Variants in FOXF2 observed in about 807,000 individuals in gnomAD.
The protein encoded by FOXF2 is forkhead box F2.
Under a neutral mutation model 29.1 loss-of-function variants are expected in FOXF2, and 15 were observed. That is an observed-to-expected ratio of 0.52 (90% CI 0.35 to 0.79). The LOEUF (loss-of-function observed/expected upper bound fraction) is 0.79. Ranked by LOEUF, FOXF2 falls within the 30% of genes least tolerant of loss-of-function variation. The pLI is 0.01. For synonymous variants in FOXF2, 337 were observed against 316.5 expected (o/e 1.06, Z -0.69); for missense variants, 675 against 667.1 (o/e 1.01, Z -0.13).
rs79471536 is a variant in FOXF2 at position 1,391,534 on chromosome 6, C to G, written c.1171+416C>G. ...CCTTTTTTTCCTTGCGTTCATTTTG[C>G]TGTACTTCTGTCCCGAAGTAAATGT... On this transcript the variant is annotated intron_variant, in intron 1 of 1. Coordinates refer to ENST00000645481, the MANE Select transcript of FOXF2 (RefSeq NM_001452.2). Among the ~76,000 whole-genome samples, 3 of 152,206 alleles carry G rather than the reference C, an allele frequency of 2.0e-5. No homozygotes were observed. In the East Asian group the frequency reaches 5.8e-4, roughly 29 times the overall value.
At chr6:1,391,459 T>C (rs1235787616) in intron 1 of FOXF2, among the ~76,000 whole-genome samples, 1 of 152,254 alleles carries the variant, frequency 6.6e-6, no homozygotes, top group Non-Finnish European at 1.5e-5. Flanking sequence ...AGAGAAGGCA[T>C]CTGGCCTTTG....
chr6:1,393,997 C>T (rs1273446671), intron 1 of FOXF2, among the ~76,000 whole-genome samples: 1 of 152,244 alleles, frequency 6.6e-6, no homozygotes, highest in South Asian at 2.1e-4. Flanking sequence ...AGGGACTCCT[C>T]GCGCTGCCAG....
At chr6:1,392,334 T>G (rs767250718) in intron 1 of FOXF2, among the ~76,000 whole-genome samples, 3 of 152,010 alleles carry the variant, frequency 2.0e-5, no homozygotes, top group Non-Finnish European at 4.4e-5. Flanking sequence ...CTTAACCCAC[T>G]GAGAACAGAG....
Position 1,390,770 on chromosome 6 carries a change from C to T in FOXF2, c.823C>T (p.His275Tyr), listed in dbSNP as rs1316271903. 9.3e-6 allele frequency: 13 copies of T among 1,394,866 alleles called. No individual in the cohort carries two copies. In the Admixed American group the frequency reaches 1.8e-4, roughly 19 times the overall value. 86.4% of individuals were successfully genotyped at this position (1,394,866 alleles called of 1,614,324 possible). A position where few individuals can be genotyped will look rare whatever the true frequency, so the allele number is the denominator to read the frequency against. The stretch of plus-strand genomic sequence containing the variant: ...CCACCACCACCACCACCACGTCCCG[C>T]ACATGTCGCCCAACCCGGGTTCCAC... The part of the protein sequence containing the change: ...PHHHHHHHVP[H>Y]MSPNPGSTYM... Residue 275 changes from histidine (H) to tyrosine (Y), a missense_variant, in exon 1 of 2, where the codon CAC becomes TAC. Transcript: ENST00000645481. The surrounding 1 kb of genome is among the most constrained non-coding windows in gnomAD (Gnocchi z 8.5).
In FOXF2 at chr6:1,392,958, A is replaced by G. The variant is rs3823148; in HGVS notation, c.1172-1738A>G. Among the ~76,000 whole-genome samples the G allele has an allele frequency of 8.7e-3, 1,330 of 152,112 alleles. 16 individuals carry two copies. The highest frequency in any genetic ancestry group is 0.023 in the African/African-American group (972 of 41,508). On this transcript the variant is annotated intron_variant, in intron 1 of 1. Transcript: ENST00000645481. The stretch of plus-strand genomic sequence containing the variant: ...TCCTCGCTGTCTTGCTCCCGTCCCT[A>G]TAGGATACCCACCCGGCCCTGTTGC...
rs1243149072 is a variant in FOXF2 at position 1,390,039 on chromosome 6, C to A, written c.92C>A (p.Pro31Gln). ...CTCCAGGCCGCCCTGATGAGCCCGC[C>A]GCCCGCCGCCGCCGCCGCCGCCGCC... Reference protein sequence around the residue: ...GALQAALMSPPPAAAAAAAAA... With the variant: ...GALQAALMSPQPAAAAAAAAA... The change falls in exon 1 of 2, where the codon CCG becomes CAG. Residue 31 changes from proline (P) to glutamine (Q), a missense_variant. Around this residue, in one of 3 missense-constraint regions of FOXF2, gnomAD observed 220 missense variants for 205.5 expected, o/e 1.07. Transcript: ENST00000645481. This position sits in a 1 kb window ranked among gnomAD's most constrained non-coding sequence, Gnocchi z 8.5. 22 of 1,364,122 alleles carry A rather than the reference C, an allele frequency of 1.6e-5. No homozygotes were observed. The highest frequency in any genetic ancestry group is 2.1e-5 in the Non-Finnish European group (22 of 1,054,762). 84.5% of individuals were successfully genotyped at this position (1,364,122 alleles called of 1,614,324 possible).
chr6:1,395,003 T>C lies in FOXF2; in HGVS notation c.*144T>C. 3 of 813,404 alleles carry C rather than the reference T, an allele frequency of 3.7e-6. No homozygotes were observed. Among genetic ancestry groups the C allele is most frequent in the Non-Finnish European group, 6.0e-6 (3 of 499,972 alleles). 50.4% of individuals were successfully genotyped at this position (813,404 alleles called of 1,614,324 possible). On this transcript the variant is annotated 3_prime_UTR_variant, in exon 2 of 2. Coordinates refer to ENST00000645481, the MANE Select transcript of FOXF2 (RefSeq NM_001452.2). ...CTTAGCCAGAATGCCCAGGATCGCG[T>C]TGGTCACTGTTATTTGCCTACTGCT... is the stretch of plus-strand genomic sequence containing the variant.
chr6:1,394,631 A>C (rs1758862303), intron 1 of FOXF2, 65 bp from the exon 2 acceptor site: 1 of 1,535,760 alleles, frequency 6.5e-7, no homozygotes, highest in African/African-American at 1.4e-5. Flanking sequence ...AGGCAAAATA[A>C]GACACCCTGC....
In FOXF2 at chr6:1,390,674, T is replaced by TA. The variant is rs1243741752; in HGVS notation, c.728dup (p.Tyr243Ter). The TA allele has an allele frequency of 6.5e-7, 1 of 1,536,538 alleles. No homozygotes were observed. The highest frequency in any genetic ancestry group is 1.4e-5 in the African/African-American group (1 of 70,836). ...GCTCGGCTGCCACAGCCAGGGCGGC[T>TA]ACGGCGGCCTCGACATGATGCCCGC... ...APLGCHSQGG[Y>*]GGLDMMPAGY... The change falls in exon 1 of 2, where the codon TAC becomes TAAC. Residue 243 changes from tyrosine (Y) to a stop codon, truncating the protein, a stop_gained and frameshift_variant. Transcript: ENST00000645481. LOFTEE classifies it high-confidence loss of function. This position sits in a 1 kb window ranked among gnomAD's most constrained non-coding sequence, Gnocchi z 8.5.
chr6:1,393,305 C>T (rs1173874920), intron 1 of FOXF2, among the ~76,000 whole-genome samples: 3 of 152,068 alleles, frequency 2.0e-5, no homozygotes, highest in East Asian at 1.9e-4. Context: ...CAGGAAGGAG[C>T]TCGGGCTTCT....
Position 1,390,917 on chromosome 6 carries a change from G to C in FOXF2, c.970G>C (p.Ala324Pro), listed in dbSNP as rs1207076399. 6.5e-7 allele frequency: 1 copy of C among 1,546,922 alleles called. No homozygotes were observed. ...CCCGGTACCCTCGTCCCCGGCCATG[G>C]CGAGCGCCATCGAATGCCACTCGCC... ...SSPVPSSPAM[A>P]SAIECHSPYT... The change falls in exon 1 of 2, where the codon GCG becomes CCG. Residue 324 changes from alanine (A) to proline (P), a missense_variant. Ala to Pro is a conservative substitution (Grantham distance 27). Around this residue, in one of 3 missense-constraint regions of FOXF2, gnomAD observed 451 missense variants for 437.2 expected, o/e 1.03. Transcript: ENST00000645481. The surrounding 1 kb of genome is among the most constrained non-coding windows in gnomAD (Gnocchi z 8.5).
Position 1,394,959 on chromosome 6 carries a change from G to GT in FOXF2, c.*101dup, listed in dbSNP as rs138315786. ...TCAAGTCACATGCACGCGGATAGCA[G>GT]TAAGCCACACACCTGCCACTTAGCC... On this transcript the variant is annotated 3_prime_UTR_variant, in exon 2 of 2. Coordinates refer to ENST00000645481, the MANE Select transcript of FOXF2 (RefSeq NM_001452.2). 1,660 of 1,223,120 alleles carry GT rather than the reference G, an allele frequency of 1.4e-3. 29 individuals carry two copies. In the African/African-American group the frequency reaches 0.022, roughly 16 times the overall value. 75.8% of individuals were successfully genotyped at this position (1,223,120 alleles called of 1,614,324 possible). A position where few individuals can be genotyped will look rare whatever the true frequency, so the allele number is the denominator to read the frequency against.
rs1392407030 is a variant in FOXF2 at position 1,390,091 on chromosome 6, CTCG to C, written c.153_155del (p.Ser53del). ...CCGCCCCGGAGACCACCTCCTCCTCCTCGTCGTCGTCCTCCGCCTCCTGCGCCT... is the reference window on the plus strand; with the variant it reads ...CCGCCCCGGAGACCACCTCCTCCTCCTCGTCGTCCTCCGCCTCCTGCGCCT... On this transcript the variant is annotated inframe_deletion, in exon 1 of 2. Coordinates refer to ENST00000645481, the MANE Select transcript of FOXF2 (RefSeq NM_001452.2). This position sits in a 1 kb window ranked among gnomAD's most constrained non-coding sequence, Gnocchi z 8.5. 2.8e-6 allele frequency: 4 copies of C among 1,415,374 alleles called. No individual in the cohort carries two copies. Among genetic ancestry groups the C allele is most frequent in the East Asian group, 3.1e-5 (1 of 32,700 alleles). 87.7% of individuals were successfully genotyped at this position (1,415,374 alleles called of 1,614,324 possible). A position where few individuals can be genotyped will look rare whatever the true frequency, so the allele number is the denominator to read the frequency against.
In FOXF2 at chr6:1,390,481, G is replaced by C. The variant is rs754655088; in HGVS notation, c.534G>C (p.Pro178=). The C allele has an allele frequency of 1.2e-6, 2 of 1,611,942 alleles. No homozygotes were observed. Among genetic ancestry groups the C allele is most frequent in the Non-Finnish European group, 1.7e-6 (2 of 1,179,882 alleles). ...AGGGCCACTACTGGACCATCGACCC[G>C]GCCAGCGAGTTCATGTTCGAGGAGG... ...PGKGHYWTID[P]ASEFMFEEGS... Residue 178 remains proline, a synonymous_variant, in exon 1 of 2, where the codon CCG becomes CCC. Coordinates refer to ENST00000645481, the MANE Select transcript of FOXF2 (RefSeq NM_001452.2). The surrounding 1 kb of genome is among the most constrained non-coding windows in gnomAD (Gnocchi z 8.5).
At position 1,394,983 on chromosome 6, in the gene FOXF2, C is replaced by A; in HGVS notation, c.*124C>A. On this transcript the variant is annotated 3_prime_UTR_variant, in exon 2 of 2. Transcript: ENST00000645481. ...AGTAAGCCACACACCTGCCACTTAG[C>A]CAGAATGCCCAGGATCGCGTTGGTC... 1.1e-6 allele frequency: 1 copy of A among 948,026 alleles called. No homozygotes were observed. Among genetic ancestry groups the A allele is most frequent in the Non-Finnish European group, 1.7e-6 (1 of 602,802 alleles). The allele number at this position is 948,026 out of a possible 1,614,324, so 58.7% of individuals were successfully genotyped here. A position where few individuals can be genotyped will look rare whatever the true frequency, so the allele number is the denominator to read the frequency against.
chr6:1,394,109 G>A (rs1442780464), intron 1 of FOXF2, among the ~76,000 whole-genome samples: 1 of 152,266 alleles, frequency 6.6e-6, no homozygotes, highest in Non-Finnish European at 1.5e-5. Context: ...CGGAGGGGCA[G>A]GAGAAGAGGC....
In FOXF2 at chr6:1,392,825, C is replaced by G. The variant is rs563225896; in HGVS notation, c.1171+1707C>G. 9.8e-5 allele frequency among the ~76,000 whole-genome samples: 15 copies of G among 152,350 alleles called. 1 individual carries two copies. In the South Asian group the frequency reaches 3.1e-3, roughly 32 times the overall value. On this transcript the variant is annotated intron_variant, in intron 1 of 1. Transcript: ENST00000645481. Reference sequence around the variant, plus strand: ...TGTGCCCCTACCCAGCGGCCTCCCGCGGCCGGCCTTCCCTGGGAGCCTCGC... The same window carrying G: ...TGTGCCCCTACCCAGCGGCCTCCCGGGGCCGGCCTTCCCTGGGAGCCTCGC...
In FOXF2 at chr6:1,390,722, G is replaced by A; in HGVS notation, c.775G>A (p.Ala259Thr). Reference protein sequence around the residue: ...MPAGYDAGAGAPSHAHPHHHH... With the variant: ...MPAGYDAGAGTPSHAHPHHHH... Reference sequence around the variant, plus strand: ...CGCGGGCTACGACGCCGGCGCGGGCGCCCCCAGCCACGCGCACCCTCACCA... The same window carrying A: ...CGCGGGCTACGACGCCGGCGCGGGCACCCCCAGCCACGCGCACCCTCACCA... Residue 259 changes from alanine (A) to threonine (T), a missense_variant, in exon 1 of 2, where the codon GCC (alanine) becomes ACC (threonine). By Grantham distance (58) the Ala-to-Thr change is moderately conservative (BLOSUM62 0). Coordinates refer to ENST00000645481, the MANE Select transcript of FOXF2 (RefSeq NM_001452.2). The surrounding 1 kb of genome is among the most constrained non-coding windows in gnomAD (Gnocchi z 8.5). The A allele has an allele frequency of 7.0e-7, 1 of 1,436,114 alleles. No individual in the cohort carries two copies. The highest frequency in any genetic ancestry group is 9.0e-7 in the Non-Finnish European group (1 of 1,105,952). 89.0% of individuals were successfully genotyped at this position (1,436,114 alleles called of 1,614,324 possible).
Position 1,395,584 on chromosome 6 carries a change from A to C in FOXF2, c.*725A>C, listed in dbSNP as rs1376091423. On this transcript the variant is annotated 3_prime_UTR_variant, in exon 2 of 2. Transcript: ENST00000645481. Reference sequence around the variant, plus strand: ...TTTGTTGTAAAATTTTTTTTCAATAAAATGTATATAACAAATAGTTGTTTT... The same window carrying C: ...TTTGTTGTAAAATTTTTTTTCAATACAATGTATATAACAAATAGTTGTTTT... 6.6e-6 allele frequency: 1 copy of C among 152,656 alleles called. No individual in the cohort carries two copies. The highest frequency in any genetic ancestry group is 1.5e-5 in the Non-Finnish European group (1 of 68,072). The allele number at this position is 152,656 out of a possible 1,614,324, so 9.5% of individuals were successfully genotyped here. A position where few individuals can be genotyped will look rare whatever the true frequency, so the allele number is the denominator to read the frequency against.
Sources: allele counts gnomAD v4.1 joint callset (sites outside exome capture counted in the v4.1 genomes callset), GRCh38; gene constraint gnomAD v4.1.1; regional missense constraint gnomAD v4.1.1; non-coding constraint Gnocchi (gnomAD v3.1); transcripts MANE v1.5; gene names NCBI Gene and HGNC (gene_info 2026-07-23, HGNC 2026-07-21).